Variants in LAMA2 observed in about 807,000 individuals in gnomAD.
LAMA2 encodes the protein laminin subunit alpha 2.
In LAMA2, 269 loss-of-function variants were observed where a neutral mutation model predicts 364.8. The ratio of observed to expected loss-of-function variants is 0.74; its 90% CI spans 0.67 to 0.82. The LOEUF is 0.82. Among genes scored for constraint, LAMA2 ranks in the 40% least tolerant of loss-of-function variants. The pLI is 0.00. For synonymous variants in LAMA2, 1,379 were observed against 1,370.6 expected (o/e 1.01, Z -0.14); for missense variants, 3,807 against 3,873.2 (o/e 0.98, Z 0.45).
chr6:129,266,190 G>A (rs1184499901), intron 15 of LAMA2, among the ~76,000 whole-genome samples: 1 of 152,044 alleles, frequency 6.6e-6, no homozygotes, highest in Admixed American at 6.6e-5. Context: ...CAATTTCACT[G>A]GAGGGTGATC....
intron 1 of LAMA2, among the ~76,000 whole-genome samples, chr6:128,954,880 C>T (rs1781048710): frequency 6.6e-6 from 1 of 151,486 alleles, no homozygotes; most frequent in African/African-American, 2.4e-5. Flanking sequence ...AAGAACTCCC[C>T]ATATATATGT....
At chr6:129,165,716 C>A in intron 9 of LAMA2, 41 bp downstream of exon 9, 6 of 1,130,346 alleles carry the variant, frequency 5.3e-6, no homozygotes, top group Non-Finnish European at 6.7e-6. Context: ...GATAAAAGGA[C>A]AACTAAAAGC....
intron 10 of LAMA2, among the ~76,000 whole-genome samples, chr6:129,181,360 A>G (rs1486368058): frequency 6.6e-6 from 1 of 152,092 alleles, no homozygotes; most frequent in Non-Finnish European, 1.5e-5. Context: ...ATTCATAAAA[A>G]TCTGTGATCA....
In LAMA2 at chr6:129,162,894, G is replaced by C. The variant is rs77348302; in HGVS notation, c.1207-2682G>C. Among the ~76,000 whole-genome samples the C allele has an allele frequency of 9.9e-3, 1,488 of 150,862 alleles. 28 individuals carry two copies. Among genetic ancestry groups the C allele is most frequent in the African/African-American group, 0.03 (1,256 of 41,354 alleles). On this transcript the variant is annotated intron_variant, in intron 8 of 64. Transcript: ENST00000421865. The stretch of plus-strand genomic sequence containing the variant: ...AGGGGAGAATGAAGAGAACTAGGAG[G>C]GGGGGGAAGAAGAGGAGGAAGAATG...
At chr6:129,449,894 C>T (rs1782582546) in intron 45 of LAMA2, among the ~76,000 whole-genome samples, 1 of 151,162 alleles carries the variant, frequency 6.6e-6, no homozygotes, top group Middle Eastern at 3.4e-3. Context: ...CCTCCGCCTC[C>T]CAGGTTCAAG....
rs1031944522 is a variant in LAMA2, at chr6:129,182,983, T to C, written c.1467+5117T>C. Among the ~76,000 whole-genome samples the C allele has an allele frequency of 2.0e-5, 3 of 152,100 alleles. No homozygotes were observed. The East Asian group carries it at 5.8e-4, about 29-fold the overall frequency. Reference sequence around the variant, plus strand: ...AAAAAGAGGAGAATGAAATTTTTAATACAATGTCAACTACATTATTACATT... The same window carrying C: ...AAAAAGAGGAGAATGAAATTTTTAACACAATGTCAACTACATTATTACATT... On this transcript the variant is annotated intron_variant, in intron 10 of 64. Transcript: ENST00000421865.
intron 1 of LAMA2, among the ~76,000 whole-genome samples, chr6:128,977,889 GGTT>G (rs903876944): frequency 4.6e-5 from 7 of 151,930 alleles, no homozygotes; most frequent in Non-Finnish European, 1.0e-4. Flanking sequence ...TCTCTCCCTA[GGTT>G]GGAGCCATTG....
intron 9 of LAMA2, among the ~76,000 whole-genome samples, chr6:129,171,633 G>A (rs1780163169): frequency 6.7e-6 from 1 of 149,000 alleles, no homozygotes; most frequent in Non-Finnish European, 1.5e-5. Flanking sequence ...CAGCTTTGGT[G>A]AATCTGACAA....
intron 12 of LAMA2, among the ~76,000 whole-genome samples, chr6:129,205,142 C>T (rs574644692): frequency 6.6e-6 from 1 of 152,080 alleles, no homozygotes; most frequent in East Asian, 1.9e-4. Flanking sequence ...GTAATCCCAG[C>T]ACTTTGGGAG....
chr6:128,920,510 G>T (rs1778632086), intron 1 of LAMA2, among the ~76,000 whole-genome samples: 2 of 151,978 alleles, frequency 1.3e-5, no homozygotes, highest in African/African-American at 2.4e-5. Context: ...CTCTAGACTA[G>T]TTTGAATTTT....
intron 1 of LAMA2, among the ~76,000 whole-genome samples, chr6:128,951,851 C>T (rs1780841768): frequency 6.6e-6 from 1 of 152,058 alleles, no homozygotes; most frequent in Non-Finnish European, 1.5e-5. Context: ...CATAAGTAAA[C>T]CAAGCCTCAA....
At chr6:129,460,053 T>C (rs2114800884) in intron 48 of LAMA2, 147 bp from the exon 49 acceptor site, 1 of 753,808 alleles carries the variant, frequency 1.3e-6, no homozygotes, top group East Asian at 2.6e-5. Flanking sequence ...CAGACTATGA[T>C]GAAAAGATGA....
chr6:129,041,769 G>A (rs1787114733), intron 1 of LAMA2, among the ~76,000 whole-genome samples: 1 of 152,110 alleles, frequency 6.6e-6, no homozygotes. Flanking sequence ...TTGGGAGGCT[G>A]AGGTGGGAGC....
At chr6:129,380,316 T>A (rs1778607676) in intron 34 of LAMA2, among the ~76,000 whole-genome samples, 1 of 152,156 alleles carries the variant, frequency 6.6e-6, no homozygotes, top group South Asian at 2.1e-4. Context: ...GTAATAAGGT[T>A]GGCAAGATTG....
chr6:129,070,495 A>C (rs1317086469), intron 3 of LAMA2, among the ~76,000 whole-genome samples: 1 of 152,088 alleles, frequency 6.6e-6, no homozygotes, highest in Non-Finnish European at 1.5e-5. Flanking sequence ...ATTTCTATGG[A>C]GAAAGCTTAA....
At chr6:128,971,712 C>G (rs74515814) in intron 1 of LAMA2, among the ~76,000 whole-genome samples, 3,670 of 152,270 alleles carry the variant, frequency 0.024, 48 homozygotes, top group Middle Eastern at 0.031. Context: ...AAGATGTGAT[C>G]TCTAAAGTTG....
At chr6:129,488,720 A>G (rs1280812912) in intron 56 of LAMA2, among the ~76,000 whole-genome samples, 1 of 152,232 alleles carries the variant, frequency 6.6e-6, no homozygotes, top group Non-Finnish European at 1.5e-5. Flanking sequence ...ATTTGCTACC[A>G]TAATGGCTCA....
intron 1 of LAMA2, among the ~76,000 whole-genome samples, chr6:128,967,933 C>T (rs898151536): frequency 1.3e-5 from 2 of 152,166 alleles, no homozygotes; most frequent in Non-Finnish European, 1.5e-5. Context: ...CATCGTTGCT[C>T]AAGGGTAAGA....
chr6:129,163,203 G>C (rs1343821114), intron 8 of LAMA2, among the ~76,000 whole-genome samples: 2 of 151,970 alleles, frequency 1.3e-5, no homozygotes, highest in African/African-American at 4.8e-5. Flanking sequence ...ATGTGTGCTA[G>C]GGCGTTCATT....
Sources: allele counts gnomAD v4.1 joint callset (sites outside exome capture counted in the v4.1 genomes callset), GRCh38; gene constraint gnomAD v4.1.1; transcripts MANE v1.5; gene names NCBI Gene and HGNC (gene_info 2026-07-23, HGNC 2026-07-21).